NCOR1: variants seen among roughly 807,000 people sequenced by gnomAD.
The protein encoded by NCOR1 is protein phosphatase 1, regulatory subunit 109.
A neutral mutation model predicts 288.1 loss-of-function variants in NCOR1; 63 were observed. The ratio of observed to expected loss-of-function variants is 0.22; its 90% CI spans 0.18 to 0.27. The LOEUF is 0.27. Ranked by LOEUF, NCOR1 falls within the 10% of genes least tolerant of loss-of-function variation. The pLI is 1.00. For synonymous variants in NCOR1, 1,007 were observed against 1,065.9 expected (o/e 0.94, Z 1.08); for missense variants, 2,397 against 3,019.2 (o/e 0.79, Z 4.83).
intron 33 of NCOR1, 140 bp from the exon 34 acceptor site, chr17:16,065,159 C>CT (rs375516852): frequency 1.2e-6 from 1 of 815,776 alleles, no homozygotes; most frequent in African/African-American, 1.7e-5. Context: ...ATCATCATTA[C>CT]TTTTTAAGAC....
At chr17:16,086,511 A>G in intron 22 of NCOR1, 69 bp from the exon 23 acceptor site, 2 of 1,360,550 alleles carry the variant, frequency 1.5e-6, no homozygotes, top group African/African-American at 1.5e-5. Context: ...TACCTCTCTC[A>G]GTCATTCCTG....
intron 42 of NCOR1, chr17:16,041,307 G>A (rs900136243): frequency 1.3e-5 from 2 of 151,606 alleles, no homozygotes; most frequent in Non-Finnish European, 2.9e-5. Context: ...TGGTGTTTCC[G>A]TCATTCCCAA....
chr17:16,063,560 C>T (rs1462496529), intron 35 of NCOR1, among the ~76,000 whole-genome samples: 1 of 152,142 alleles, frequency 6.6e-6, no homozygotes, highest in African/African-American at 2.4e-5. Context: ...TTTATCTCCA[C>T]AGAGGCTACA....
intron 1 of NCOR1, among the ~76,000 whole-genome samples, chr17:16,210,114 T>C (rs565125412): frequency 8.5e-5 from 13 of 152,212 alleles, no homozygotes; most frequent in African/African-American, 2.9e-4. Flanking sequence ...CCAGGTGTGG[T>C]GGCTCACGCC....
In NCOR1 at chr17:16,145,428, G is replaced by A. The variant is rs946824350; in HGVS notation, c.1082+948C>T. On this transcript the variant is annotated intron_variant, in intron 10 of 45. Transcript: ENST00000268712. ...TGGGAAGTGAGGAGCGTCTCTGCCC[G>A]GCCGCCCATCGTCTGGGATGTGGGG... 7.7e-5 allele frequency among the ~76,000 whole-genome samples: 11 copies of A among 142,012 alleles called. 2 individuals carry two copies. Among genetic ancestry groups the A allele is most frequent in the Admixed American group, 1.4e-4 (2 of 14,408 alleles). 93.2% of individuals were successfully genotyped at this position (142,012 alleles called of 152,430 possible).
At chr17:16,070,651 C>T in intron 30 of NCOR1, 126 bp from the exon 31 acceptor site, 8 of 1,275,676 alleles carry the variant, frequency 6.3e-6, no homozygotes, top group Non-Finnish European at 8.7e-6. Flanking sequence ...GTTTACAAAT[C>T]TCAATCACAA....
At chr17:16,049,799 C>T (rs986653516) in intron 40 of NCOR1, among the ~76,000 whole-genome samples, 1 of 152,004 alleles carries the variant, frequency 6.6e-6, no homozygotes, top group Admixed American at 6.6e-5. Flanking sequence ...GTTGGCTAGG[C>T]CTCCTGACCT....
At position 16,047,005 on chromosome 17, in the gene NCOR1, T is replaced by C; in HGVS notation, c.6625A>G (p.Lys2209Glu). The change falls in exon 42 of 46, where the codon AAG (lysine) becomes GAG (glutamate). Residue 2209 changes from lysine (K) to glutamate (E), a missense_variant. Physicochemically the swap from Lys to Glu is moderately conservative, Grantham distance 56. Around this residue, in one of 11 missense-constraint regions of NCOR1, gnomAD observed 1,872 missense variants for 2,187.8 expected, o/e 0.86. Transcript: ENST00000268712. The part of the protein sequence containing the change: ...ENTSPMVKSK[K>E]QEIFRKLNSS... ...TTCAACTTACGAAAAATCTCCTGCT[T>C]CTTTGATTTAACCATGGGTGATGTA... The C allele has an allele frequency of 6.2e-7, 1 of 1,614,102 alleles. No homozygotes were observed. The highest frequency in any genetic ancestry group is 8.5e-7 in the Non-Finnish European group (1 of 1,179,996).
chr17:16,102,263 A>G (rs1426338554), intron 19 of NCOR1, among the ~76,000 whole-genome samples: 2 of 152,116 alleles, frequency 1.3e-5, no homozygotes, highest in Non-Finnish European at 2.9e-5. Flanking sequence ...AAATTGGTCA[A>G]ATAATTTAAA....
intron 4 of NCOR1, among the ~76,000 whole-genome samples, chr17:16,170,537 G>C (rs2082935693): frequency 6.6e-6 from 1 of 152,014 alleles, no homozygotes; most frequent in Admixed American, 6.6e-5. Context: ...AAGCAGAGTT[G>C]AAAAAGGTAA....
chr17:16,076,823 C>A (rs2062530049), intron 26 of NCOR1, among the ~76,000 whole-genome samples: 1 of 152,192 alleles, frequency 6.6e-6, no homozygotes, highest in South Asian at 2.1e-4. Context: ...TGAGCCACTA[C>A]AGCTTTCCGA....
At position 16,048,858 on chromosome 17, in the gene NCOR1, G is replaced by A. The variant is rs1384296549; in HGVS notation, c.6523C>T (p.Pro2175Ser). Reference sequence around the variant, plus strand: ...AAGCACACTTACCTCTGCTCTGCAGGCTCTGCGCCCCTCTGAGACAAGAGC... The same window carrying A: ...AAGCACACTTACCTCTGCTCTGCAGACTCTGCGCCCCTCTGAGACAAGAGC... Reference protein sequence around the residue: ...LLLLSQRGAEPAEQRNDARSP... With the variant: ...LLLLSQRGAESAEQRNDARSP... The change falls in exon 41 of 46, where the codon CCT becomes TCT. Residue 2175 changes from proline (P) to serine (S), a missense_variant. Around this residue, in one of 11 missense-constraint regions of NCOR1, gnomAD observed 1,872 missense variants for 2,187.8 expected, o/e 0.86. Coordinates refer to ENST00000268712, the MANE Select transcript of NCOR1 (RefSeq NM_006311.4). 6.2e-7 allele frequency: 1 copy of A among 1,612,194 alleles called. No homozygotes were observed. The highest frequency in any genetic ancestry group is 2.2e-5 in the East Asian group (1 of 44,776).
chr17:16,082,632 T>C (rs936599493), intron 23 of NCOR1, among the ~76,000 whole-genome samples: 15 of 151,524 alleles, frequency 9.9e-5, no homozygotes, highest in Non-Finnish European at 1.5e-4. Context: ...TGAGGCAGGA[T>C]TGACTGAGCC....
rs2072047509 is a variant in NCOR1 at position 16,117,873 on chromosome 17, C to T, written c.2055+15G>A. ...AAAAACAGTAAGTAAAGAGTCACCA[C>T]CCCAATATACTCACTTTCTGTTTAT... On this transcript the variant is annotated intron_variant, in intron 18 of 45. Transcript: ENST00000268712. 6.2e-7 allele frequency: 1 copy of T among 1,610,638 alleles called. No homozygotes were observed. The highest frequency in any genetic ancestry group is 8.5e-7 in the Non-Finnish European group (1 of 1,178,636).
chr17:16,070,605 G>T, intron 30 of NCOR1, 80 bp from the exon 31 acceptor site: 1 of 1,534,562 alleles, frequency 6.5e-7, no homozygotes, highest in African/African-American at 1.4e-5. Context: ...CTGGCCCATG[G>T]CAGTTACAGT....
chr17:16,151,164 CT>C (rs1287220660), intron 8 of NCOR1, among the ~76,000 whole-genome samples: 1 of 151,248 alleles, frequency 6.6e-6, no homozygotes, highest in East Asian at 1.9e-4. Context: ...TTGTCACAAA[CT>C]AAGAATAATG....
At chr17:16,055,418 G>GC (rs1444393252) in intron 40 of NCOR1, among the ~76,000 whole-genome samples, 4 of 152,168 alleles carry the variant, frequency 2.6e-5, no homozygotes, top group Non-Finnish European at 5.9e-5. Flanking sequence ...GCAAACTAAC[G>GC]CAAGAACAGA....
At chr17:16,061,293 C>T in intron 37 of NCOR1, 108 bp downstream of exon 37, 1 of 1,347,388 alleles carries the variant, frequency 7.4e-7, no homozygotes, top group South Asian at 1.5e-5. Context: ...ATTACATTTA[C>T]TATCAACCGT....
chr17:16,208,287 T>A (rs1292572875), intron 1 of NCOR1, among the ~76,000 whole-genome samples: 1 of 148,832 alleles, frequency 6.7e-6, no homozygotes, highest in Non-Finnish European at 1.5e-5. Flanking sequence ...CTCGATCTCT[T>A]GACCTCGTGA....
Sources: gnomAD v4.1 joint callset for allele counts (sites outside exome capture counted in the v4.1 genomes callset) on GRCh38, gnomAD v4.1.1 for gene constraint, gnomAD v4.1.1 regional missense constraint, MANE v1.5 for transcripts, NCBI Gene and HGNC (gene_info 2026-07-23, HGNC 2026-07-21) for gene names.